The following DPP10 variants were observed in gnomAD, a reference collection of about 807,000 sequenced individuals.
DPP10 encodes the protein dipeptidyl peptidase like 10, also known as inactive dipeptidyl peptidase 10.
DPP10 carries 33 observed loss-of-function variants against 120.9 expected under a neutral mutation model. The ratio of observed to expected loss-of-function variants is 0.27; its 90% CI spans 0.21 to 0.37. The LOEUF (loss-of-function observed/expected upper bound fraction) is 0.37, where lower values mean the gene tolerates loss of function less well. Ranked by LOEUF, DPP10 falls within the 10% of genes least tolerant of loss-of-function variation. The probability of loss-of-function intolerance (pLI) is 1.00; values close to 1 mark genes in which losing one functional copy is unlikely to be tolerated. For synonymous variants in DPP10, 337 were observed against 326.1 expected (o/e 1.03, Z -0.36); for missense variants, 816 against 942.8 (o/e 0.87, Z 1.76).
chr2:114,729,892 T>C (rs1002370470), intron 1 of DPP10, among the ~76,000 whole-genome samples: 2 of 152,146 alleles, frequency 1.3e-5, no homozygotes, highest in Non-Finnish European at 2.9e-5. Context: ...TCCTTAAAAA[T>C]GGACCAGAAC....
At chr2:114,723,328 C>T (rs930387080) in intron 1 of DPP10, among the ~76,000 whole-genome samples, 1 of 152,120 alleles carries the variant, frequency 6.6e-6, no homozygotes, top group African/African-American at 2.4e-5. Flanking sequence ...TGAATAAGCA[C>T]TGTGGGATGT....
At chr2:114,720,493 A>G (rs532038030) in intron 1 of DPP10, among the ~76,000 whole-genome samples, 25 of 152,344 alleles carry the variant, frequency 1.6e-4, no homozygotes, top group South Asian at 1.5e-3. Flanking sequence ...GAAGCTAAAT[A>G]AAACACATTT....
intron 1 of DPP10, among the ~76,000 whole-genome samples, chr2:115,160,274 T>A (rs2052212068): frequency 6.6e-6 from 1 of 152,208 alleles, no homozygotes; most frequent in Non-Finnish European, 1.5e-5. Context: ...AAAAACAAGA[T>A]CTCCACTCAC....
chr2:114,581,345 G>A (rs1690509560), intron 1 of DPP10, among the ~76,000 whole-genome samples: 1 of 151,522 alleles, frequency 6.6e-6, no homozygotes, highest in African/African-American at 2.4e-5. Context: ...CACCACGCCT[G>A]GCTAACTTTT....
chr2:114,546,653 G>A (rs1687422109), intron 1 of DPP10, among the ~76,000 whole-genome samples: 1 of 152,150 alleles, frequency 6.6e-6, no homozygotes. Flanking sequence ...ATTTTAAAGT[G>A]GCTGGTGACA....
rs1238509224 is a variant in DPP10, at chr2:115,604,093, T to G, written c.441+78121T>G. Among the ~76,000 whole-genome samples, 310 of 150,166 alleles carry G rather than the reference T, an allele frequency of 2.1e-3. 3 individuals are homozygous for G. The highest frequency in any genetic ancestry group is 9.9e-3 in the South Asian group (47 of 4,738). ...CCCTTCTAGCTGTTTTTTTTTTTTT[T>G]TTTTTTTTTTTTTAAGATGGTAGCT... is the stretch of plus-strand genomic sequence containing the variant. On this transcript the variant is annotated intron_variant, in intron 5 of 25. Transcript: ENST00000410059.
intron 3 of DPP10, among the ~76,000 whole-genome samples, chr2:115,478,362 G>T (rs2105243522): frequency 6.6e-6 from 1 of 152,270 alleles, no homozygotes; most frequent in Admixed American, 6.5e-5. Context: ...ACATGCAACA[G>T]AATGGAATGG....
chr2:115,588,333 C>T (rs556523969), intron 5 of DPP10, among the ~76,000 whole-genome samples: 38 of 152,106 alleles, frequency 2.5e-4, no homozygotes, highest in Non-Finnish European at 5.0e-4. Flanking sequence ...ATTCATATAG[C>T]ATATCTTTCC....
intron 5 of DPP10, among the ~76,000 whole-genome samples, chr2:115,570,972 T>C (rs1157205759): frequency 6.6e-6 from 1 of 151,772 alleles, no homozygotes; most frequent in Admixed American, 6.6e-5. Context: ...GAGAGGGGAG[T>C]CGGTGGGCAT....
intron 1 of DPP10, among the ~76,000 whole-genome samples, chr2:114,619,113 A>T (rs779472974): frequency 2.6e-5 from 4 of 151,984 alleles, no homozygotes; most frequent in Non-Finnish European, 4.4e-5. Context: ...TGATTTATAT[A>T]TTGTAGTTAG....
At chr2:115,824,306 A>T (rs1688094608) in intron 21 of DPP10, among the ~76,000 whole-genome samples, 1 of 151,886 alleles carries the variant, frequency 6.6e-6, no homozygotes, top group Non-Finnish European at 1.5e-5. Context: ...TTTATTTTTA[A>T]TTTTTTTAAA....
intron 1 of DPP10, among the ~76,000 whole-genome samples, chr2:115,206,105 A>G (rs927113793): frequency 5.3e-5 from 8 of 152,146 alleles, no homozygotes; most frequent in African/African-American, 1.9e-4. Flanking sequence ...TTCTTATGGG[A>G]GTATGTTTTA....
At chr2:115,830,037 A>G (rs1281822576) in intron 21 of DPP10, among the ~76,000 whole-genome samples, 1 of 152,076 alleles carries the variant, frequency 6.6e-6, no homozygotes, top group Non-Finnish European at 1.5e-5. Flanking sequence ...TAGAAGCAAA[A>G]TTTTATGGAC....
chr2:115,619,805 G>A (rs918197667), intron 5 of DPP10, among the ~76,000 whole-genome samples: 2 of 152,160 alleles, frequency 1.3e-5, no homozygotes, highest in African/African-American at 4.8e-5. Context: ...ACTCATGGAG[G>A]ATGAGACTTT....
chr2:115,479,547 T>C (rs1404718204), intron 3 of DPP10, among the ~76,000 whole-genome samples: 4 of 152,060 alleles, frequency 2.6e-5, no homozygotes, highest in Non-Finnish European at 5.9e-5. Context: ...CTTAAAATGG[T>C]TAGTATGGTA....
intron 1 of DPP10, among the ~76,000 whole-genome samples, chr2:114,683,584 TTTTCTTTTTTTC>T (rs972260306): frequency 9.3e-6 from 1 of 107,858 alleles, no homozygotes; most frequent in African/African-American, 3.3e-5. Context: ...CTCTCTCTCT[TTTTCTTTTTTTC>T]TTTCTTTCTT....
intron 25 of DPP10, among the ~76,000 whole-genome samples, chr2:115,841,933 T>C (rs1242137730): frequency 6.6e-6 from 1 of 152,198 alleles, no homozygotes; most frequent in Non-Finnish European, 1.5e-5. Flanking sequence ...GTCCAAAGTT[T>C]AGTCAAGCTG....
At chr2:114,550,511 G>A (rs1017921702) in intron 1 of DPP10, among the ~76,000 whole-genome samples, 5 of 152,320 alleles carry the variant, frequency 3.3e-5, no homozygotes, top group Middle Eastern at 3.4e-3. Context: ...TGGCAGAGTC[G>A]GTGCTTTTAG....
intron 1 of DPP10, among the ~76,000 whole-genome samples, chr2:115,010,818 C>G (rs1702210578): frequency 6.6e-6 from 1 of 152,114 alleles, no homozygotes; most frequent in Non-Finnish European, 1.5e-5. Context: ...CTCCACAAAC[C>G]TTCTACTGTT....
Sources: gnomAD v4.1 joint callset for allele counts (sites outside exome capture counted in the v4.1 genomes callset) on GRCh38, gnomAD v4.1.1 for gene constraint, MANE v1.5 for transcripts, NCBI Gene and HGNC (gene_info 2026-07-23, HGNC 2026-07-21) for gene names.